The following PLS3 variants were observed in gnomAD, a reference collection of about 807,000 sequenced individuals.
PLS3 encodes the protein plastin-3.
A neutral mutation model predicts 46.5 loss-of-function variants in PLS3; 11 were observed. That is an observed-to-expected ratio of 0.24 (90% CI 0.15 to 0.39). PLS3 has a LOEUF of 0.39. Ranked by LOEUF, PLS3 falls within the 10% of genes least tolerant of loss-of-function variation. The probability of loss-of-function intolerance (pLI) is 1.00; values close to 1 mark genes in which losing one functional copy is unlikely to be tolerated. For missense variants in PLS3, 308 were observed against 461.8 expected (o/e 0.67, Z 3.05); for synonymous variants, 167 against 162.2 (o/e 1.03, Z -0.22).
chrX:115,562,154 C>G (rs1349554047), intron 1 of PLS3, among the ~76,000 whole-genome samples: 20 of 110,840 alleles, frequency 1.8e-4, no homozygotes, highest in African/African-American at 6.2e-4. Context: ...TTTCCCCGCA[C>G]AGCTGCACTT....
At chrX:115,566,956 C>G (rs782643313) in intron 1 of PLS3, among the ~76,000 whole-genome samples, 1 of 112,601 alleles carries the variant, frequency 8.9e-6, no homozygotes, top group South Asian at 3.7e-4. Context: ...GGATTACAGG[C>G]ATGAGCCACC....
At chrX:115,563,749 T>TA (rs2147405025) in intron 1 of PLS3, among the ~76,000 whole-genome samples, 1 of 111,721 alleles carries the variant, frequency 9.0e-6, no homozygotes, top group Admixed American at 9.5e-5. Flanking sequence ...AGAACAACCT[T>TA]AAAGCACATT....
chrX:115,623,724 T>TGTC (rs2074679620), intron 3 of PLS3, among the ~76,000 whole-genome samples: 1 of 111,271 alleles, frequency 9.0e-6, no homozygotes, highest in Admixed American at 9.6e-5. Context: ...AGCGCTCCTA[T>TGTC]CCTCCTTTGT....
chrX:115,571,236 G>A (rs1326789213), intron 1 of PLS3, among the ~76,000 whole-genome samples: 3 of 111,048 alleles, frequency 2.7e-5, no homozygotes, highest in Non-Finnish European at 5.7e-5. Context: ...AACTAGCCAA[G>A]ACCCGTCACA....
At chrX:115,626,459 T>G (rs1235011915) in intron 3 of PLS3, among the ~76,000 whole-genome samples, 4 of 109,426 alleles carry the variant, frequency 3.7e-5, no homozygotes, top group Admixed American at 9.9e-5. Context: ...TAATTTTGTG[T>G]TTTTAGTAGA....
chrX:115,606,012 G>A (rs1647357636), intron 1 of PLS3, among the ~76,000 whole-genome samples: 1 of 107,280 alleles, frequency 9.3e-6, no homozygotes, highest in African/African-American at 3.4e-5. Flanking sequence ...GAAGTAGCGG[G>A]GAGGGGCAGG....
chrX:115,596,566 G>C (rs1412885815), intron 1 of PLS3, among the ~76,000 whole-genome samples: 1 of 112,027 alleles, frequency 8.9e-6, no homozygotes, highest in Non-Finnish European at 1.9e-5. Context: ...GCTGGGCACA[G>C]TGGCTCATGC....
chrX:115,579,813 GC>G (rs1569526360), intron 1 of PLS3, among the ~76,000 whole-genome samples: 2 of 111,258 alleles, frequency 1.8e-5, no homozygotes, highest in Admixed American at 1.9e-4. Context: ...GCTCGCTGCA[GC>G]GTCAACATCC....
At chrX:115,606,134 T>G (rs1418746221) in intron 1 of PLS3, among the ~76,000 whole-genome samples, 1 of 101,303 alleles carries the variant, frequency 9.9e-6, no homozygotes, top group Non-Finnish European at 2.0e-5. Context: ...ATCTAATTTC[T>G]TTTTTTTTTC....
At chrX:115,598,535 C>T (rs963201718) in intron 1 of PLS3, among the ~76,000 whole-genome samples, 1 of 111,532 alleles carries the variant, frequency 9.0e-6, no homozygotes, top group Non-Finnish European at 1.9e-5. Flanking sequence ...TTTACAATTA[C>T]TCCTTTACCA....
intron 3 of PLS3, chrX:115,624,223 G>A (rs1472076121): frequency 3.1e-5 from 2 of 65,098 alleles, no homozygotes; most frequent in African/African-American, 7.0e-5. Flanking sequence ...GTGAGACTCC[G>A]TCTCAAAAAA....
chrX:115,620,753 C>T (rs2074644833), intron 2 of PLS3, among the ~76,000 whole-genome samples: 1 of 87,959 alleles, frequency 1.1e-5, no homozygotes, highest in African/African-American at 4.3e-5. Context: ...TGCTCTGTCA[C>T]CCAGGCTGCA....
At chrX:115,598,626 T>A (rs1396683287) in intron 1 of PLS3, among the ~76,000 whole-genome samples, 2 of 112,036 alleles carry the variant, frequency 1.8e-5, no homozygotes, top group South Asian at 3.6e-4. Flanking sequence ...AAAGAAAAAA[T>A]TTTTAAATGA....
At chrX:115,621,719 A>G (rs1556637624) in intron 2 of PLS3, among the ~76,000 whole-genome samples, 1 of 111,976 alleles carries the variant, frequency 8.9e-6, no homozygotes. Context: ...TAAACTCTAT[A>G]TTTGTCTTGA....
At chrX:115,625,032 A>G (rs1160903090) in intron 3 of PLS3, among the ~76,000 whole-genome samples, 3 of 111,938 alleles carry the variant, frequency 2.7e-5, no homozygotes, top group Non-Finnish European at 5.6e-5. Flanking sequence ...AGATGCTACT[A>G]CTACTATGAC....
intron 3 of PLS3, among the ~76,000 whole-genome samples, chrX:115,623,583 A>G (rs1297295415): frequency 1.8e-5 from 2 of 111,784 alleles, no homozygotes; most frequent in African/African-American, 6.5e-5. Flanking sequence ...CCCTCAATTA[A>G]GGATACCTTT....
At chrX:115,608,667 C>A (rs2074518039) in intron 1 of PLS3, among the ~76,000 whole-genome samples, 1 of 111,310 alleles carries the variant, frequency 9.0e-6, no homozygotes, top group Admixed American at 9.6e-5. Context: ...ATACGGATAC[C>A]ATTGCATTAC....
At chrX:115,627,005 C>T (rs1449323214) in intron 3 of PLS3, among the ~76,000 whole-genome samples, 3 of 108,917 alleles carry the variant, frequency 2.8e-5, no homozygotes, top group African/African-American at 3.3e-5. Flanking sequence ...TGCACCACCA[C>T]GCCCACCTAA....
In PLS3 at chrX:115,611,162, A is replaced by G. The variant is rs782447646; in HGVS notation, c.73+839A>G. ...CCTGTGTCGAAAATCCCATTAGTGG[A>G]AAATGAGGAAATATACATTTCTGTT... is the stretch of plus-strand genomic sequence containing the variant. On this transcript the variant is annotated intron_variant, in intron 2 of 15. Transcript: ENST00000355899. 3.6e-5 allele frequency among the ~76,000 whole-genome samples: 4 copies of G among 112,534 alleles called. No individual in the cohort carries two copies. In the South Asian group the frequency reaches 1.5e-3, roughly 41 times the overall value.
Sources: gnomAD v4.1 joint callset for allele counts (sites outside exome capture counted in the v4.1 genomes callset) on GRCh38, gnomAD v4.1.1 for gene constraint, MANE v1.5 for transcripts, NCBI Gene and HGNC (gene_info 2026-07-23, HGNC 2026-07-21) for gene names.